Variants in CHUK observed in about 807,000 individuals in gnomAD.
CHUK encodes the protein component of inhibitor of nuclear factor kappa B kinase complex.
A neutral mutation model predicts 104.8 loss-of-function variants in CHUK; 35 were observed. That is an observed-to-expected ratio of 0.33 (90% CI 0.26 to 0.44). CHUK has a LOEUF of 0.44. Among genes scored for constraint, CHUK ranks in the 20% least tolerant of loss-of-function variants. CHUK has a pLI of 1.00. For synonymous variants in CHUK, 276 were observed against 291.9 expected, an observed-to-expected ratio of 0.95 and a Z score of 0.56; for missense variants, 663 against 902.7, an observed-to-expected ratio of 0.73 and a Z score of 3.40.
At chr10:100,200,207 A>AAT (rs1481756453) in intron 15 of CHUK, among the ~76,000 whole-genome samples, 187 bp from the exon 16 acceptor site, 1 of 152,214 alleles carries the variant, frequency 6.6e-6, no homozygotes, top group Non-Finnish European at 1.5e-5. Context: ...TGCAAAGTTT[A>AAT]ATATAGTTCA....
At chr10:100,193,914 T>TA in intron 18 of CHUK, 70 bp downstream of exon 18, 1 of 1,425,464 alleles carries the variant, frequency 7.0e-7, no homozygotes, top group South Asian at 1.1e-5. Flanking sequence ...CTCATGCTGA[T>TA]AAAAATCCCC....
downstream of CHUK, chr10:100,187,401 C>T (rs1274245179): frequency 6.6e-6 from 1 of 152,174 alleles, no homozygotes; most frequent in East Asian, 1.9e-4. Context: ...CTGTATCATT[C>T]ATTTGATTTT....
At chr10:100,223,159 C>T (rs956936761) in intron 2 of CHUK, among the ~76,000 whole-genome samples, 179 bp from the exon 3 acceptor site, 4 of 152,130 alleles carry the variant, frequency 2.6e-5, no homozygotes, top group Admixed American at 6.6e-5. Flanking sequence ...AGAAAACACA[C>T]ATAAAAATAC....
intron 4 of CHUK, among the ~76,000 whole-genome samples, chr10:100,221,145 GA>G (rs1845977183): frequency 6.6e-6 from 1 of 152,096 alleles, no homozygotes; most frequent in South Asian, 2.1e-4. Context: ...TCACCCTGAA[GA>G]GTTGACTTGG....
chr10:100,197,874 A>T (rs1564830955), intron 16 of CHUK, among the ~76,000 whole-genome samples: 1 of 151,790 alleles, frequency 6.6e-6, no homozygotes, highest in Admixed American at 6.5e-5. Context: ...CAAAAACCAA[A>T]AAACGATATT....
chr10:100,209,875 C>G (rs1056686194), intron 9 of CHUK, 86 bp from the exon 10 acceptor site: 19 of 665,616 alleles, frequency 2.9e-5, no homozygotes, highest in Non-Finnish European at 4.6e-5. Flanking sequence ...TGAATATGGG[C>G]AAAAGGCATT....
intron 10 of CHUK, among the ~76,000 whole-genome samples, chr10:100,207,549 A>G (rs1378332721): frequency 6.6e-6 from 1 of 152,246 alleles, no homozygotes; most frequent in Non-Finnish European, 1.5e-5. Flanking sequence ...CCAAAACCCA[A>G]AGAACAAATG....
chr10:100,205,002 G>A lies in CHUK; in HGVS notation c.1355+74C>T, dbSNP rs1453199062. 1.9e-6 allele frequency: 3 copies of A among 1,558,988 alleles called. No homozygotes were observed. In the African/African-American group the frequency reaches 4.1e-5, roughly 21 times the overall value. ...ACTATTACATGCAATATTGATTAGT[G>A]AAAACCGGCAAGATTAATTCTTGAG... On this transcript the variant is annotated intron_variant, in intron 12 of 20. Coordinates refer to ENST00000370397, the MANE Select transcript of CHUK (RefSeq NM_001278.5).
intron 16 of CHUK, 60 bp from the exon 17 acceptor site, chr10:100,194,581 C>A: frequency 9.4e-7 from 1 of 1,058,228 alleles, no homozygotes; most frequent in Non-Finnish European, 1.4e-6. Context: ...AGCCTCCAAA[C>A]AAAAAATTCC....
intron 2 of CHUK, among the ~76,000 whole-genome samples, chr10:100,225,228 C>T (rs576481762): frequency 1.6e-4 from 24 of 152,298 alleles, no homozygotes; most frequent in South Asian, 1.2e-3. Context: ...GCTGAAACTC[C>T]GCACCTATTA....
Position 100,200,659 on chromosome 10 carries a change from G to T in CHUK, c.1679+12C>A. ...ACAGATGTCAAGACCAACAACACAA[G>T]TGCATCCTTACAGAGATTCCATCAA... On this transcript the variant is annotated intron_variant, in intron 15 of 20. Coordinates refer to ENST00000370397, the MANE Select transcript of CHUK (RefSeq NM_001278.5). The T allele has an allele frequency of 8.2e-7, 1 of 1,214,052 alleles. No homozygotes were observed. Among genetic ancestry groups the T allele is most frequent in the Non-Finnish European group, 1.2e-6 (1 of 816,192 alleles). 75.2% of individuals were successfully genotyped at this position (1,214,052 alleles called of 1,614,324 possible).
In CHUK at chr10:100,194,165, C is replaced by T. The variant is rs55716158; in HGVS notation, c.1827-34G>A. On this transcript the variant is annotated intron_variant, in intron 17 of 20. Transcript: ENST00000370397. ...ATTAAATCAGTGTCAGACACTTTCA[C>T]ATGCCCCAAGACTGTACACCATATT... 9,059 of 1,610,780 alleles carry T rather than the reference C, an allele frequency of 5.6e-3. 273 individuals carry two copies. The highest frequency in any genetic ancestry group is 0.055 in the East Asian group (2,486 of 44,842).
At chr10:100,216,434 T>C (rs941451679) in intron 9 of CHUK, among the ~76,000 whole-genome samples, 7 of 152,226 alleles carry the variant, frequency 4.6e-5, no homozygotes, top group African/African-American at 1.4e-4. Context: ...TCGGGCACAG[T>C]AGCCCACATC....
intron 11 of CHUK, among the ~76,000 whole-genome samples, chr10:100,206,102 A>T (rs1024450710): frequency 1.4e-4 from 21 of 152,278 alleles, no homozygotes; most frequent in African/African-American, 4.8e-4. Flanking sequence ...AACCAAATGT[A>T]ATGTGTTCTA....
At chr10:100,208,479 A>C (rs1466894945) in intron 10 of CHUK, among the ~76,000 whole-genome samples, 2 of 152,086 alleles carry the variant, frequency 1.3e-5, no homozygotes, top group Non-Finnish European at 2.9e-5. Flanking sequence ...CTGTTTCAGC[A>C]CGACTGAGTG....
At position 100,200,798 on chromosome 10, in the gene CHUK, T is replaced by C; in HGVS notation, c.1570-18A>G. 2 of 1,375,694 alleles carry C rather than the reference T, an allele frequency of 1.5e-6. No individual in the cohort carries two copies. The highest frequency in any genetic ancestry group is 1.4e-5 in the African/African-American group (1 of 70,482). 85.2% of individuals were successfully genotyped at this position (1,375,694 alleles called of 1,614,324 possible). A position where few individuals can be genotyped will look rare whatever the true frequency, so the allele number is the denominator to read the frequency against. ...ACACCAACCTAAAATATGATGAAAA[T>C]ACAAAGGAAATGAAAGGCTTACCAC... is the stretch of plus-strand genomic sequence containing the variant. On this transcript the variant is annotated intron_variant, in intron 14 of 20. Coordinates refer to ENST00000370397, the MANE Select transcript of CHUK (RefSeq NM_001278.5).
At chr10:100,209,227 G>C (rs1439477280) in intron 10 of CHUK, among the ~76,000 whole-genome samples, 1 of 152,182 alleles carries the variant, frequency 6.6e-6, no homozygotes, top group Non-Finnish European at 1.5e-5. Flanking sequence ...TTGTAATTTT[G>C]AGTTGGTCTG....
chr10:100,197,708 C>T (rs1187678316), intron 16 of CHUK, among the ~76,000 whole-genome samples: 1 of 152,090 alleles, frequency 6.6e-6, no homozygotes, highest in Non-Finnish European at 1.5e-5. Flanking sequence ...GCTATACATA[C>T]ATGTGTCTAC....
At chr10:100,205,414 A>C (rs1845567677) in intron 11 of CHUK, among the ~76,000 whole-genome samples, 1 of 152,110 alleles carries the variant, frequency 6.6e-6, no homozygotes, top group Non-Finnish European at 1.5e-5. Flanking sequence ...TCCACATACA[A>C]GGGGGGAAAT....
Sources: gnomAD v4.1 joint callset for allele counts (sites outside exome capture counted in the v4.1 genomes callset) on GRCh38, gnomAD v4.1.1 for gene constraint, MANE v1.5 for transcripts, NCBI Gene and HGNC (gene_info 2026-07-23, HGNC 2026-07-21) for gene names.